LCA5L: variants seen among roughly 807,000 people sequenced by gnomAD.
LCA5L encodes the protein lebercilin LCA5 like.
LCA5L carries 35 observed loss-of-function variants against 45.4 expected under a neutral mutation model. The ratio of observed to expected loss-of-function variants is 0.77; its 90% CI spans 0.59 to 1.02. The LOEUF (loss-of-function observed/expected upper bound fraction) is 1.02, where lower values mean the gene tolerates loss of function less well. LCA5L is among the 50% of genes least tolerant of loss of function. The pLI is 0.00. For missense variants in LCA5L, 668 were observed against 761.6 expected (o/e 0.88, Z 1.45); for synonymous variants, 233 against 264.7 (o/e 0.88, Z 1.16).
intron 5 of LCA5L, among the ~76,000 whole-genome samples, chr21:39,424,309 C>T (rs1169561571): frequency 2.0e-5 from 3 of 152,086 alleles, no homozygotes; most frequent in African/African-American, 4.8e-5. Context: ...CCATTGTGCC[C>T]GGCCTCTACA....
rs1194589760 is a variant in LCA5L, at chr21:39,414,730, C to CTG, written c.976-2929_976-2928insCA. Among the ~76,000 whole-genome samples the CTG allele has an allele frequency of 4.4e-5, 5 of 113,494 alleles. No individual in the cohort carries two copies. The South Asian group carries it at 9.4e-4, about 21-fold the overall frequency. The allele number at this position is 113,494 out of a possible 152,430, so 74.5% of individuals were successfully genotyped here. On this transcript the variant is annotated intron_variant, in intron 7 of 10. Coordinates refer to ENST00000288350, the MANE Select transcript of LCA5L (RefSeq NM_152505.4). ...GTTCTCTCCCTCTCTCTCTCTCTCT[C>CTG]TCTCTCTCTCTCTGTGTGTGTGTGT...
chr21:39,407,357 G>C (rs973357220), intron 10 of LCA5L, among the ~76,000 whole-genome samples: 1 of 152,174 alleles, frequency 6.6e-6, no homozygotes, highest in African/African-American at 2.4e-5. Flanking sequence ...TGGAATGTTT[G>C]GTCCCCGCTG....
At chr21:39,430,932 C>T (rs1207610296) in intron 3 of LCA5L, among the ~76,000 whole-genome samples, 1 of 152,132 alleles carries the variant, frequency 6.6e-6, no homozygotes, top group Non-Finnish European at 1.5e-5. Context: ...TCACAGAAGA[C>T]TAAAGTGAAC....
intron 7 of LCA5L, among the ~76,000 whole-genome samples, chr21:39,419,641 G>GA (rs1477834186): frequency 6.6e-6 from 1 of 152,086 alleles, no homozygotes; most frequent in Non-Finnish European, 1.5e-5. Context: ...GGCCTTTTGG[G>GA]AGGTGATTAG....
At chr21:39,436,823 A>G (rs2076335260) in intron 2 of LCA5L, among the ~76,000 whole-genome samples, 1 of 152,132 alleles carries the variant, frequency 6.6e-6, no homozygotes, top group East Asian at 1.9e-4. Flanking sequence ...CTCTTGGGAA[A>G]AAAAACTTAC....
At chr21:39,434,521 A>C (rs2076102269) in intron 3 of LCA5L, among the ~76,000 whole-genome samples, 1 of 152,074 alleles carries the variant, frequency 6.6e-6, no homozygotes. Flanking sequence ...CCAACCACCT[A>C]CTGTTCTTTC....
Position 39,406,128 on chromosome 21 carries a change from T to C in LCA5L, c.1767A>G (p.Thr589=). The change falls in exon 11 of 11, where the codon ACA becomes ACG. Residue 589 remains threonine, a synonymous_variant. Transcript: ENST00000288350. ...GKSSRIKVKD[T]TFRDKKSSLM... Reference sequence around the variant, plus strand: ...GACTGCTTTTCTTATCTCTGAAAGTTGTATCCTTCACTTTTATTCTGGAAG... The same window carrying C: ...GACTGCTTTTCTTATCTCTGAAAGTCGTATCCTTCACTTTTATTCTGGAAG... The C allele has an allele frequency of 6.2e-7, 1 of 1,614,260 alleles. No homozygotes were observed. The highest frequency in any genetic ancestry group is 1.3e-5 in the African/African-American group (1 of 75,066).
At chr21:39,418,856 G>T (rs912047894) in intron 7 of LCA5L, among the ~76,000 whole-genome samples, 4 of 152,072 alleles carry the variant, frequency 2.6e-5, no homozygotes, top group African/African-American at 7.2e-5. Flanking sequence ...GCATGAGGAA[G>T]CATAAAATTT....
intron 8 of LCA5L, chr21:39,410,856 A>G (rs1049303218): frequency 2.1e-6 from 1 of 471,110 alleles, no homozygotes; most frequent in Non-Finnish European, 4.4e-6. Context: ...TATAAGCCAG[A>G]AGCAAACAAA....
Position 39,423,092 on chromosome 21 carries a change from T to C in LCA5L, c.721A>G (p.Ile241Val), listed in dbSNP as rs765483105. 7.1e-5 allele frequency: 114 copies of C among 1,613,900 alleles called. No individual in the cohort carries two copies. The highest frequency in any genetic ancestry group is 9.5e-5 in the Non-Finnish European group (112 of 1,179,842). The change falls in exon 6 of 11, where the codon ATC (isoleucine) becomes GTC (valine). Residue 241 changes from isoleucine to valine, a missense_variant. Physicochemically the swap from Ile to Val is conservative, Grantham distance 29. Transcript: ENST00000288350. ...TDSQLLKTKD[I>V]LQALQKLSED... ...GAAAGTTTCTGCAGTGCCTGCAAGA[T>C]ATCTTTAGTCTTCAGTAACTGGCTG...
At chr21:39,410,153 T>C in intron 9 of LCA5L, 57 bp from the exon 10 acceptor site, 1 of 1,315,092 alleles carries the variant, frequency 7.6e-7, no homozygotes, top group Non-Finnish European at 1.1e-6. Flanking sequence ...AACTTAAAAT[T>C]GCATTTTATT....
intron 7 of LCA5L, among the ~76,000 whole-genome samples, chr21:39,418,163 C>T (rs2041627285): frequency 6.6e-6 from 1 of 152,160 alleles, no homozygotes; most frequent in Admixed American, 6.5e-5. Context: ...CTAATTACCT[C>T]CCACTGGGTC....
chr21:39,441,669 G>A (rs1477673922), intron 2 of LCA5L, among the ~76,000 whole-genome samples: 1 of 152,132 alleles, frequency 6.6e-6, no homozygotes, highest in Non-Finnish European at 1.5e-5. Flanking sequence ...TCACCTTCAG[G>A]ATAAGAACCC....
intron 6 of LCA5L, chr21:39,421,719 G>C (rs1041091902): frequency 6.6e-6 from 1 of 152,122 alleles, no homozygotes; most frequent in African/African-American, 2.4e-5. Flanking sequence ...AAAAGTGGAA[G>C]ACATGGAAAG....
In LCA5L at chr21:39,410,303, C is replaced by T. The variant is rs746018561; in HGVS notation, c.1125G>A (p.Gln375=). The change falls in exon 9 of 11, where the codon CAG becomes CAA. Residue 375 remains glutamine (Q), a synonymous_variant. Coordinates refer to ENST00000288350, the MANE Select transcript of LCA5L (RefSeq NM_152505.4). ...KILPFTSMRH[Q]GTQKSDVPPL... is the part of the protein sequence containing the mutation. ...GTGGAACATCTGATTTTTGGGTTCC[C>T]TGGTGTCTCATACTTGTGAATGGCA... 13 of 1,610,650 alleles carry T rather than the reference C, an allele frequency of 8.1e-6. No individual in the cohort carries two copies. The highest frequency in any genetic ancestry group is 1.0e-5 in the Non-Finnish European group (12 of 1,178,980).
chr21:39,414,303 AG>A (rs1470407417), intron 7 of LCA5L: 1 of 152,246 alleles, frequency 6.6e-6, no homozygotes, highest in Non-Finnish European at 1.5e-5. Context: ...GTGTGACCGT[AG>A]CCTGGGTGTA....
chr21:39,444,371 T>C (rs926404980), intron 1 of LCA5L, among the ~76,000 whole-genome samples, 170 bp from the exon 2 acceptor site: 5 of 152,238 alleles, frequency 3.3e-5, no homozygotes, highest in African/African-American at 1.2e-4. Context: ...AAGGGGTGTC[T>C]TTACATTTTT....
chr21:39,408,941 A>G (rs1473067256), intron 10 of LCA5L, among the ~76,000 whole-genome samples: 1 of 152,200 alleles, frequency 6.6e-6, no homozygotes, highest in Non-Finnish European at 1.5e-5. Flanking sequence ...TTTGCTACTC[A>G]GTTTTTCAAA....
Position 39,422,969 on chromosome 21 carries a change from TACAG to T in LCA5L, c.837+3_837+6del. 6.2e-7 allele frequency: 1 copy of T among 1,612,700 alleles called. No homozygotes were observed. The highest frequency in any genetic ancestry group is 8.5e-7 in the Non-Finnish European group (1 of 1,179,568). ...TCTTAAACTGTCTGGGCCCCTGAAA[TACAG>T]ACCTGTATTTTTTTGTCATTTGCGT... On this transcript the variant is annotated splice_donor_5th_base_variant and intron_variant, in intron 6 of 10. Transcript: ENST00000288350.
Sources: gnomAD v4.1 joint callset for allele counts (sites outside exome capture counted in the v4.1 genomes callset) on GRCh38, gnomAD v4.1.1 for gene constraint, MANE v1.5 for transcripts, NCBI Gene and HGNC (gene_info 2026-07-23, HGNC 2026-07-21) for gene names.